The following PCDHA10 variants were observed in gnomAD, a reference collection of about 807,000 sequenced individuals.
PCDHA10 encodes the protein protocadherin alpha-10.
In PCDHA10, 45 loss-of-function variants were observed where a neutral mutation model predicts 61.2. That is an observed-to-expected ratio of 0.74 (90% confidence interval 0.58 to 0.94). PCDHA10 has a LOEUF of 0.94. Ranked by LOEUF, PCDHA10 falls within the 40% of genes least tolerant of loss-of-function variation. The pLI, the probability that PCDHA10 is intolerant of heterozygous loss-of-function variation, is 0.00. For missense variants in PCDHA10, 1,278 were observed against 1,236.2 expected (o/e 1.03, Z -0.51); for synonymous variants, 602 against 548.8 (o/e 1.10, Z -1.35).
chr5:140,949,050 T>C lies in PCDHA10; in HGVS notation c.2389-29899T>C, dbSNP rs561017467. 5.3e-5 allele frequency among the ~76,000 whole-genome samples: 8 copies of C among 151,896 alleles called. No homozygotes were observed. The East Asian group carries it at 1.5e-3, about 29-fold the overall frequency. On this transcript the variant is annotated intron_variant, in intron 1 of 3. Coordinates refer to ENST00000307360, the MANE Select transcript of PCDHA10 (RefSeq NM_018901.4). ...TATTCATTTAAAAGTATGTTCTAAT[T>C]TCCATTATGATTTAACTCTTTCACC...
At chr5:140,947,796 T>C (rs2094177808) in intron 1 of PCDHA10, among the ~76,000 whole-genome samples, 2 of 151,630 alleles carry the variant, frequency 1.3e-5, no homozygotes, top group Non-Finnish European at 3.0e-5. Context: ...AACAGACTTT[T>C]AATTTGCAGA....
At chr5:140,983,734 G>A (rs1194473513) in intron 3 of PCDHA10, among the ~76,000 whole-genome samples, 15 of 152,170 alleles carry the variant, frequency 9.9e-5, no homozygotes, top group African/African-American at 3.4e-4. Context: ...TAACATGGCT[G>A]GCTTGCAATA....
chr5:140,873,995 G>A (rs1218409385), intron 1 of PCDHA10, among the ~76,000 whole-genome samples: 9 of 152,284 alleles, frequency 5.9e-5, no homozygotes, highest in African/African-American at 2.2e-4. Context: ...AGCATGTATG[G>A]TACATTGACC....
intron 1 of PCDHA10, among the ~76,000 whole-genome samples, chr5:140,922,406 G>C (rs1411149387): frequency 9.8e-5 from 15 of 152,288 alleles, no homozygotes; most frequent in African/African-American, 3.6e-4. Flanking sequence ...GGATTAAAAA[G>C]ATCTAGGTAC....
At chr5:140,860,225 A>C (rs2046280777) in intron 1 of PCDHA10, 1 of 151,528 alleles carries the variant, frequency 6.6e-6, no homozygotes, top group South Asian at 2.1e-4. Flanking sequence ...ATGTATATAT[A>C]AGCCAGGCAT....
At chr5:140,871,523 G>T in intron 1 of PCDHA10, 1 of 1,546,536 alleles carries the variant, frequency 6.5e-7, no homozygotes, top group Non-Finnish European at 8.7e-7. Context: ...CCACCTATCA[G>T]GAAGTGTATG....
intron 1 of PCDHA10, 66 bp from the exon 2 acceptor site, chr5:140,978,883 T>C: frequency 6.2e-7 from 1 of 1,611,182 alleles, no homozygotes; most frequent in Non-Finnish European, 8.5e-7. Flanking sequence ...ACTAATCAAT[T>C]AGCAGCATTC....
intron 3 of PCDHA10, among the ~76,000 whole-genome samples, chr5:140,996,163 A>G (rs183777507): frequency 4.8e-4 from 73 of 152,326 alleles, no homozygotes; most frequent in African/African-American, 1.5e-3. Flanking sequence ...TTATACTGCA[A>G]TGTGCTGACA....
chr5:140,929,302 G>T, intron 1 of PCDHA10: 1 of 1,587,714 alleles, frequency 6.3e-7, no homozygotes, highest in Admixed American at 1.7e-5. Flanking sequence ...TAGGAAAGGG[G>T]ATCACGCTAA....
At chr5:140,967,954 C>T in intron 1 of PCDHA10, 1 of 1,614,208 alleles carries the variant, frequency 6.2e-7, no homozygotes, top group Non-Finnish European at 8.5e-7. Flanking sequence ...ACTCAGGCCC[C>T]AACCGGAAAG....
rs782671966 is a variant in PCDHA10 at position 140,857,602 on chromosome 5, G to T, written c.1554G>T (p.Ala518=). ...ACGCGGAGAGCGGCAAGGTGTACGCGCTGCAGCCGCTGGACCACGAGGAGC... is the reference window on the plus strand; with the variant it reads ...ACGCGGAGAGCGGCAAGGTGTACGCTCTGCAGCCGCTGGACCACGAGGAGC... ...SVHAESGKVY[A]LQPLDHEELE... is the part of the protein sequence containing the mutation. Residue 518 remains alanine, a synonymous_variant, in exon 1 of 4, where the codon GCG becomes GCT. Coordinates refer to ENST00000307360, the MANE Select transcript of PCDHA10 (RefSeq NM_018901.4). 17 of 1,596,266 alleles carry T rather than the reference G, an allele frequency of 1.1e-5. 1 individual carries two copies. Among genetic ancestry groups the T allele is most frequent in the Non-Finnish European group, 1.5e-5 (17 of 1,167,710 alleles).
intron 3 of PCDHA10, among the ~76,000 whole-genome samples, chr5:141,004,079 A>G (rs1192943756): frequency 1.3e-5 from 2 of 152,210 alleles, no homozygotes; most frequent in Non-Finnish European, 2.9e-5. Context: ...TTAGGGGTAG[A>G]AATGTGCTTC....
rs373922357 is a variant in PCDHA10, at chr5:140,927,079, G to A, written c.2389-51870G>A. ...CTTTCGCTTCCTTTCCAGCCACCGC[G>A]AGCTCTACTTCGGGGTGGATCTACC... On this transcript the variant is annotated intron_variant, in intron 1 of 3. Transcript: ENST00000307360. 2.5e-6 allele frequency: 4 copies of A among 1,610,988 alleles called. No homozygotes were observed. The highest frequency in any genetic ancestry group is 2.5e-6 in the Non-Finnish European group (3 of 1,177,702).
chr5:140,930,321 T>C (rs1166503889), intron 1 of PCDHA10: 7 of 152,186 alleles, frequency 4.6e-5, no homozygotes, highest in Non-Finnish European at 1.0e-4. Flanking sequence ...TTGAGAGTAA[T>C]GTATCTAATG....
intron 1 of PCDHA10, chr5:140,863,161 C>T (rs1554157875): frequency 3.1e-6 from 2 of 650,330 alleles, no homozygotes; most frequent in East Asian, 4.4e-5. Flanking sequence ...CCACTGCGAG[C>T]TGGCGCTGAC....
At position 140,927,603 on chromosome 5, in the gene PCDHA10, A is replaced by G. The variant is rs538616533; in HGVS notation, c.2389-51346A>G. On this transcript the variant is annotated intron_variant, in intron 1 of 3. Coordinates refer to ENST00000307360, the MANE Select transcript of PCDHA10 (RefSeq NM_018901.4). ...ACGCGCCTGTATTTGAGCGCTCCGT[A>G]TACCGCACCAAGGTTCCAGAGACTG... 8.1e-6 allele frequency: 13 copies of G among 1,614,190 alleles called. No homozygotes were observed. In the Admixed American group the frequency reaches 1.2e-4, roughly 14 times the overall value.
intron 3 of PCDHA10, among the ~76,000 whole-genome samples, chr5:140,988,042 T>C (rs1365233473): frequency 1.3e-5 from 2 of 152,212 alleles, no homozygotes. Context: ...AGAATCTGTT[T>C]AGGAGCACTG....
At chr5:140,863,736 T>C (rs2048147573) in intron 1 of PCDHA10, 1 of 249,698 alleles carries the variant, frequency 4.0e-6, no homozygotes. Context: ...AGCTCATGCC[T>C]ATTTGTAATC....
chr5:140,982,559 A>G lies in PCDHA10; in HGVS notation c.2532A>G (p.Thr844=). 1 of 1,614,170 alleles carries G rather than the reference A, an allele frequency of 6.2e-7. No homozygotes were observed. The highest frequency in any genetic ancestry group is 8.5e-7 in the Non-Finnish European group (1 of 1,180,012). Residue 844 remains threonine, a synonymous_variant, in exon 3 of 4, where the codon ACA becomes ACG. Coordinates refer to ENST00000307360, the MANE Select transcript of PCDHA10 (RefSeq NM_018901.4). The part of the protein sequence containing the change: ...DQQWPTVSSA[T]PEPEAGEVSP... ...AGTGGCCAACAGTATCCAGTGCAAC[A>G]CCAGGTAAAGAGCTGGGGTCTCTCC... is the stretch of plus-strand genomic sequence containing the variant.
Sources: allele counts gnomAD v4.1 joint callset (sites outside exome capture counted in the v4.1 genomes callset), GRCh38; gene constraint gnomAD v4.1.1; transcripts MANE v1.5; gene names NCBI Gene and HGNC (gene_info 2026-07-23, HGNC 2026-07-21).